Variants in EPHA6 observed in about 807,000 individuals in gnomAD.
EPHA6 encodes the protein EPH receptor A6.
A neutral mutation model predicts 112.0 loss-of-function variants in EPHA6; 50 were observed. That is an observed-to-expected ratio of 0.45 (90% confidence interval 0.36 to 0.56). EPHA6 has a LOEUF of 0.56. Ranked by LOEUF, EPHA6 falls within the 20% of genes least tolerant of loss-of-function variation. EPHA6 has a pLI of 0.00. For synonymous variants in EPHA6, 529 were observed against 490.7 expected (o/e 1.08, Z -1.03); for missense variants, 1,280 against 1,417.4 (o/e 0.90, Z 1.56).
intron 10 of EPHA6, among the ~76,000 whole-genome samples, chr3:97,493,506 T>C (rs1485648230): frequency 6.6e-6 from 1 of 152,042 alleles, no homozygotes. Context: ...CAGATTAGGG[T>C]CCCGCTCTGA....
intron 3 of EPHA6, among the ~76,000 whole-genome samples, chr3:97,203,667 A>T (rs990046584): frequency 6.6e-6 from 1 of 150,396 alleles, no homozygotes; most frequent in Non-Finnish European, 1.5e-5. Flanking sequence ...TTTGGGAGTC[A>T]GGAGTCAGGA....
At chr3:97,029,555 A>G (rs1314986665) in intron 3 of EPHA6, among the ~76,000 whole-genome samples, 1 of 152,108 alleles carries the variant, frequency 6.6e-6, no homozygotes, top group Non-Finnish European at 1.5e-5. Flanking sequence ...AACTATTCTG[A>G]CAGAAAGCAG....
intron 2 of EPHA6, among the ~76,000 whole-genome samples, chr3:96,923,252 C>G (rs957164961): frequency 6.6e-6 from 1 of 152,302 alleles, no homozygotes; most frequent in Non-Finnish European, 1.5e-5. Flanking sequence ...TTTACACTCC[C>G]ACCAACAATG....
chr3:97,507,149 C>A (rs1273575482), intron 10 of EPHA6, among the ~76,000 whole-genome samples: 1 of 151,988 alleles, frequency 6.6e-6, no homozygotes, highest in Non-Finnish European at 1.5e-5. Flanking sequence ...TATTGAATAC[C>A]CTTTATTTTT....
At chr3:97,178,515 G>A (rs1580838) in intron 3 of EPHA6, among the ~76,000 whole-genome samples, 1 of 151,806 alleles carries the variant, frequency 6.6e-6, no homozygotes, top group Non-Finnish European at 1.5e-5. Flanking sequence ...GCTCCCTTTA[G>A]CATTTCTTGT....
chr3:96,850,247 G>A (rs1006556658), intron 1 of EPHA6, among the ~76,000 whole-genome samples: 1 of 152,086 alleles, frequency 6.6e-6, no homozygotes, highest in African/African-American at 2.4e-5. Flanking sequence ...AATTTGGGGA[G>A]CATGAGGATG....
intron 1 of EPHA6, among the ~76,000 whole-genome samples, chr3:96,857,483 A>G (rs9874657): frequency 0.25 from 37,478 of 151,074 alleles, 8,740 homozygotes; most frequent in African/African-American, 0.6. Flanking sequence ...AAAAAGATTA[A>G]TTGCCTTATA....
intron 3 of EPHA6, among the ~76,000 whole-genome samples, chr3:97,119,840 T>A (rs1386423858): frequency 6.6e-6 from 1 of 152,012 alleles, no homozygotes; most frequent in Non-Finnish European, 1.5e-5. Flanking sequence ...GTACTCTTCC[T>A]CTGCAGAAGC....
intron 1 of EPHA6, among the ~76,000 whole-genome samples, chr3:96,848,682 C>G (rs1379468056): frequency 2.0e-5 from 3 of 152,046 alleles, no homozygotes; most frequent in Admixed American, 2.0e-4. Flanking sequence ...TGATTATATA[C>G]TTTGCTATAA....
At chr3:97,284,451 C>T (rs546804509) in intron 5 of EPHA6, among the ~76,000 whole-genome samples, 1 of 152,266 alleles carries the variant, frequency 6.6e-6, no homozygotes, top group Admixed American at 6.5e-5. Flanking sequence ...TTCACACTTA[C>T]TTTTGTTTCA....
At chr3:97,109,751 T>C (rs1248156426) in intron 3 of EPHA6, among the ~76,000 whole-genome samples, 1 of 152,162 alleles carries the variant, frequency 6.6e-6, no homozygotes, top group Non-Finnish European at 1.5e-5. Context: ...CTATGACAGA[T>C]GCTGACAGCA....
At chr3:97,303,228 C>T (rs1452513630) in intron 5 of EPHA6, among the ~76,000 whole-genome samples, 4 of 151,924 alleles carry the variant, frequency 2.6e-5, no homozygotes, top group Non-Finnish European at 4.4e-5. Context: ...CAATCTTAAT[C>T]CACATCCAAA....
intron 3 of EPHA6, among the ~76,000 whole-genome samples, chr3:97,084,509 A>C (rs549823602): frequency 6.6e-6 from 1 of 152,056 alleles, no homozygotes; most frequent in South Asian, 2.1e-4. Flanking sequence ...GAAACGCAAC[A>C]ACAGGCAAAA....
chr3:97,135,560 T>G (rs916416380), intron 3 of EPHA6, among the ~76,000 whole-genome samples: 4 of 152,126 alleles, frequency 2.6e-5, no homozygotes, highest in Admixed American at 1.3e-4. Flanking sequence ...AAGAGTCTAT[T>G]AGAGCTATGA....
chr3:97,249,463 G>T (rs1034535953), intron 5 of EPHA6, among the ~76,000 whole-genome samples: 1 of 152,054 alleles, frequency 6.6e-6, no homozygotes, highest in African/African-American at 2.4e-5. Flanking sequence ...TCCAAGTCTA[G>T]CATCTTTTTG....
intron 3 of EPHA6, among the ~76,000 whole-genome samples, chr3:97,044,437 G>T (rs1281222193): frequency 1.3e-5 from 2 of 152,080 alleles, no homozygotes; most frequent in African/African-American, 4.8e-5. Flanking sequence ...AACCATTTTT[G>T]CATAAGAAAA....
Position 97,087,751 on chromosome 3 carries a change from A to T in EPHA6, c.1114+99758A>T, listed in dbSNP as rs527639767. On this transcript the variant is annotated intron_variant, in intron 3 of 17. Coordinates refer to ENST00000389672, the MANE Select transcript of EPHA6 (RefSeq NM_001080448.3). ...GTCCATTCCTGAGACCAAAGAGAAG[A>T]TCTCACTGGCAGAATATCAGGCACT... is the stretch of plus-strand genomic sequence containing the variant. Among the ~76,000 whole-genome samples, 163 of 152,282 alleles carry T rather than the reference A, an allele frequency of 1.1e-3. 1 individual carries two copies. The highest frequency in any genetic ancestry group is 3.7e-3 in the African/African-American group (153 of 41,570).
intron 2 of EPHA6, among the ~76,000 whole-genome samples, chr3:96,948,697 G>A (rs906184737): frequency 6.6e-6 from 1 of 152,092 alleles, no homozygotes; most frequent in Non-Finnish European, 1.5e-5. Flanking sequence ...CAAGAAATTT[G>A]TACGTATATA....
intron 14 of EPHA6, among the ~76,000 whole-genome samples, chr3:97,694,881 T>G (rs1327916618): frequency 6.6e-6 from 1 of 152,242 alleles, no homozygotes; most frequent in East Asian, 1.9e-4. Context: ...CTATTTGTAG[T>G]GCCTTTGACC....
Sources: allele counts gnomAD v4.1 joint callset (sites outside exome capture counted in the v4.1 genomes callset), GRCh38; gene constraint gnomAD v4.1.1; transcripts MANE v1.5; gene names NCBI Gene and HGNC (gene_info 2026-07-23, HGNC 2026-07-21).